ARID4A: variants seen among roughly 807,000 people sequenced by gnomAD.
ARID4A encodes AT-rich interactive domain-containing protein 4A.
ARID4A carries 39 observed loss-of-function variants against 148.6 expected under a neutral mutation model. The ratio of observed to expected loss-of-function variants is 0.26; its 90% CI spans 0.20 to 0.34. The LOEUF is 0.34. Among genes scored for constraint, ARID4A ranks in the 10% least tolerant of loss-of-function variants. The pLI is 1.00. For missense variants in ARID4A, 1,265 were observed against 1,449.1 expected, an observed-to-expected ratio of 0.87 and a Z score of 2.06; for synonymous variants, 475 against 481.2, an observed-to-expected ratio of 0.99 and a Z score of 0.17.
In ARID4A at chr14:58,309,761, T is replaced by C. The variant is rs1017800390; in HGVS notation, c.274+3649T>C. On this transcript the variant is annotated intron_variant, in intron 5 of 23. Coordinates refer to ENST00000355431, the MANE Select transcript of ARID4A (RefSeq NM_002892.4). ...TTATCAAGTTTAGCACTAAAATCTA[T>C]CATCTGTATTAATGTTTTTGTAACA... Among the ~76,000 whole-genome samples the C allele has an allele frequency of 5.9e-5, 9 of 152,350 alleles. No homozygotes were observed. In the East Asian group the frequency reaches 1.7e-3, roughly 29 times the overall value.
At chr14:58,359,003 A>G in intron 17 of ARID4A, 129 bp from the exon 18 acceptor site, 1 of 1,034,792 alleles carries the variant, frequency 9.7e-7, no homozygotes, top group Non-Finnish European at 1.4e-6. Context: ...TGCCCTTCAT[A>G]TTCTTGCCAA....
At position 58,319,948 on chromosome 14, in the gene ARID4A, C is replaced by CT. The variant is rs1011938946; in HGVS notation, c.449+1161dup. Among the ~76,000 whole-genome samples, 1,048 of 127,182 alleles carry CT rather than the reference C, an allele frequency of 8.2e-3. 6 individuals carry two copies. The highest frequency in any genetic ancestry group is 0.014 in the South Asian group (57 of 3,958). The allele number at this position is 127,182 out of a possible 152,430, so 83.4% of individuals were successfully genotyped here. ...ATATATATACTAATTTTTTTCTTTT[C>CT]TTTTTTTTTTTTTTTTTTGAGACGG... is the stretch of plus-strand genomic sequence containing the variant. On this transcript the variant is annotated intron_variant, in intron 7 of 23. Coordinates refer to ENST00000355431, the MANE Select transcript of ARID4A (RefSeq NM_002892.4).
chr14:58,347,939 C>T, intron 15 of ARID4A, 61 bp downstream of exon 15: 1 of 1,160,948 alleles, frequency 8.6e-7, no homozygotes, highest in East Asian at 2.6e-5. Flanking sequence ...TTATTATAGC[C>T]ATTTTCATAT....
chr14:58,357,600 TA>T (rs2034938718), intron 17 of ARID4A, among the ~76,000 whole-genome samples: 1 of 147,942 alleles, frequency 6.8e-6, no homozygotes, highest in African/African-American at 2.5e-5. Flanking sequence ...GAGTTTTTTT[TA>T]TTTTTTTGCA....
rs1423652180 is a variant in ARID4A, at chr14:58,323,479, T to G, written c.450-6T>G. 6.2e-7 allele frequency: 1 copy of G among 1,606,050 alleles called. No individual in the cohort carries two copies. The highest frequency in any genetic ancestry group is 1.1e-5 in the South Asian group (1 of 90,908). The stretch of plus-strand genomic sequence containing the variant: ...AGGATAATGATCAAGTTATTCTAAC[T>G]TTTAGTACTGAAGATGAAAAGGAAG... On this transcript the variant is annotated splice_region_variant and splice_polypyrimidine_tract_variant and intron_variant, in intron 7 of 23. Coordinates refer to ENST00000355431, the MANE Select transcript of ARID4A (RefSeq NM_002892.4).
rs185688346 is a variant in ARID4A, at chr14:58,307,357, C to T, written c.274+1245C>T. Among the ~76,000 whole-genome samples, 291 of 152,330 alleles carry T rather than the reference C, an allele frequency of 1.9e-3. 8 individuals are homozygous for T. Among genetic ancestry groups the T allele is most frequent in the Non-Finnish European group, 7.2e-4 (49 of 68,038 alleles). On this transcript the variant is annotated intron_variant, in intron 5 of 23. Transcript: ENST00000355431. ...TGGTTAAAAATTTCTCTGTCTTACC[C>T]TGTACCTTCTATTAGTAGTACCAAT...
intron 2 of ARID4A, 125 bp downstream of exon 2, chr14:58,299,985 C>T (rs2031001187): frequency 7.3e-7 from 1 of 1,371,960 alleles, no homozygotes; most frequent in Admixed American, 1.7e-5. Flanking sequence ...GCAGTTTCGG[C>T]ATAGGAGGAT....
intron 11 of ARID4A, among the ~76,000 whole-genome samples, chr14:58,340,727 C>T (rs1053868812): frequency 3.3e-5 from 5 of 152,024 alleles, no homozygotes; most frequent in Non-Finnish European, 5.9e-5. Flanking sequence ...TCAGGTAATC[C>T]ACCTGTCTTG....
At chr14:58,300,900 C>G (rs2031103628) in intron 2 of ARID4A, among the ~76,000 whole-genome samples, 1 of 151,484 alleles carries the variant, frequency 6.6e-6, no homozygotes, top group South Asian at 2.1e-4. Flanking sequence ...TTTCTTACAT[C>G]TTTCTATGTA....
rs2034739605 is a variant in ARID4A at position 58,353,678 on chromosome 14, G to A, written c.1676G>A (p.Cys559Tyr). Residue 559 changes from cysteine (C) to tyrosine (Y), a missense_variant, in exon 17 of 24, where the codon TGT (cysteine) becomes TAT (tyrosine). Around this residue, in one of 9 missense-constraint regions of ARID4A, gnomAD observed 205 missense variants for 196.9 expected, o/e 1.04. Coordinates refer to ENST00000355431, the MANE Select transcript of ARID4A (RefSeq NM_002892.4). ...TGCAGGGAAGAAACTGAAAGCAAAT[G>A]TGACTCTGAAGGAGAGGAAGATGAG... ...SQEREETESK[C>Y]DSEGEEDEED... 6.2e-7 allele frequency: 1 copy of A among 1,613,862 alleles called. No individual in the cohort carries two copies. The highest frequency in any genetic ancestry group is 8.5e-7 in the Non-Finnish European group (1 of 1,179,948).
intron 15 of ARID4A, among the ~76,000 whole-genome samples, chr14:58,348,252 T>C (rs1367830658): frequency 6.6e-6 from 1 of 152,232 alleles, no homozygotes; most frequent in African/African-American, 2.4e-5. Flanking sequence ...GTAATTTACT[T>C]ATTTATTCTG....
chr14:58,365,733 C>A, intron 21 of ARID4A, 111 bp downstream of exon 21: 2 of 949,540 alleles, frequency 2.1e-6, no homozygotes, highest in Non-Finnish European at 3.1e-6. Context: ...ACTGCATTTT[C>A]ATTTAACAGT....
chr14:58,301,055 G>C, intron 2 of ARID4A, among the ~76,000 whole-genome samples: 1 of 152,192 alleles, frequency 6.6e-6, no homozygotes, highest in East Asian at 1.9e-4. Context: ...GCTGAATTCA[G>C]ACTTAAAACC....
chr14:58,359,292 T>C, intron 18 of ARID4A, 76 bp downstream of exon 18: 3 of 1,401,408 alleles, frequency 2.1e-6, no homozygotes, highest in Non-Finnish European at 2.9e-6. Context: ...TTTAAGACTT[T>C]AAGAACAGTT....
At chr14:58,356,713 T>C (rs186071485) in intron 17 of ARID4A, among the ~76,000 whole-genome samples, 1 of 151,298 alleles carries the variant, frequency 6.6e-6, no homozygotes, top group East Asian at 1.9e-4. Flanking sequence ...TTTTTTTTTT[T>C]TTTTTTTAAG....
At chr14:58,361,333 A>G (rs959063503) in intron 19 of ARID4A, among the ~76,000 whole-genome samples, 2 of 152,180 alleles carry the variant, frequency 1.3e-5, no homozygotes, top group Non-Finnish European at 1.5e-5. Context: ...TCTTATACAC[A>G]TAGCCTGAAA....
intron 3 of ARID4A, among the ~76,000 whole-genome samples, chr14:58,302,048 A>G (rs953701963): frequency 9.2e-5 from 14 of 152,202 alleles, no homozygotes; most frequent in Non-Finnish European, 1.9e-4. Flanking sequence ...AAGACAGTGT[A>G]AAAAAGCATT....
chr14:58,367,101 G>T, intron 23 of ARID4A, 72 bp downstream of exon 23: 2 of 1,187,926 alleles, frequency 1.7e-6, no homozygotes, highest in Non-Finnish European at 2.2e-6. Flanking sequence ...ATTTAAATTT[G>T]ATACTCTTTG....
intron 12 of ARID4A, among the ~76,000 whole-genome samples, chr14:58,345,339 T>C (rs1377667666): frequency 6.6e-6 from 1 of 152,228 alleles, no homozygotes; most frequent in Non-Finnish European, 1.5e-5. Context: ...AATATTCTGA[T>C]ATTTCAGAAA....
Sources: gnomAD v4.1 joint callset for allele counts (sites outside exome capture counted in the v4.1 genomes callset) on GRCh38, gnomAD v4.1.1 for gene constraint, gnomAD v4.1.1 regional missense constraint, MANE v1.5 for transcripts, NCBI Gene and HGNC (gene_info 2026-07-23, HGNC 2026-07-21) for gene names.